The following TMEM131 variants were observed in gnomAD, a reference collection of about 807,000 sequenced individuals.
The protein encoded by TMEM131 is 2610524E03Rik.
TMEM131 carries 66 observed loss-of-function variants against 211.6 expected under a neutral mutation model. The observed-to-expected ratio is 0.31, with a 90% CI of 0.26 to 0.38. The LOEUF (loss-of-function observed/expected upper bound fraction) is 0.38. TMEM131 is among the 10% of genes least tolerant of loss of function. The pLI, the probability that TMEM131 is intolerant of heterozygous loss-of-function variation, is 1.00. For missense variants in TMEM131, 2,036 were observed against 2,299.3 expected, an observed-to-expected ratio of 0.89 and a Z score of 2.34; for synonymous variants, 844 against 841.3, an observed-to-expected ratio of 1.00 and a Z score of -0.06.
rs1261588816 is a variant in TMEM131, at chr2:97,756,477, T to A, written c.*622A>T. On this transcript the variant is annotated 3_prime_UTR_variant, in exon 41 of 41. Transcript: ENST00000186436. Reference sequence around the variant, plus strand: ...TAAGTTCAGGTATACAAATGTTACATACCTCAAGTACAAACAGCACAGAAA... The same window carrying A: ...TAAGTTCAGGTATACAAATGTTACAAACCTCAAGTACAAACAGCACAGAAA... 1.3e-5 allele frequency: 2 copies of A among 152,270 alleles called. No individual in the cohort carries two copies. Among genetic ancestry groups the A allele is most frequent in the Non-Finnish European group, 2.9e-5 (2 of 68,046 alleles). 9.4% of individuals were successfully genotyped at this position (152,270 alleles called of 1,614,324 possible). A position where few individuals can be genotyped will look rare whatever the true frequency, so the allele number is the denominator to read the frequency against.
At chr2:97,839,160 A>G (rs1683075021) in intron 7 of TMEM131, among the ~76,000 whole-genome samples, 1 of 152,152 alleles carries the variant, frequency 6.6e-6, no homozygotes, top group Non-Finnish European at 1.5e-5. Flanking sequence ...GTCTGTCTCT[A>G]CAAAAAAATA....
chr2:97,757,051 T>A lies in TMEM131; in HGVS notation c.*48A>T. On this transcript the variant is annotated 3_prime_UTR_variant, in exon 41 of 41. Coordinates refer to ENST00000186436, the MANE Select transcript of TMEM131 (RefSeq NM_015348.2). ...AAAAGATGTCTCAGAAACTGGCACATCATGATCTAGACGAGGGCCCACTAT... is the reference window on the plus strand; with the variant it reads ...AAAAGATGTCTCAGAAACTGGCACAACATGATCTAGACGAGGGCCCACTAT... The A allele has an allele frequency of 2.0e-6, 3 of 1,518,062 alleles. No individual in the cohort carries two copies. Among genetic ancestry groups the A allele is most frequent in the Non-Finnish European group, 2.7e-6 (3 of 1,131,080 alleles). 94.0% of individuals were successfully genotyped at this position (1,518,062 alleles called of 1,614,324 possible).
At chr2:97,781,844 CA>C (rs1680019664) in intron 31 of TMEM131, among the ~76,000 whole-genome samples, 1 of 152,182 alleles carries the variant, frequency 6.6e-6, no homozygotes, top group African/African-American at 2.4e-5. Flanking sequence ...AAAGCCTCGA[CA>C]AAAGCCAGCT....
chr2:97,763,855 G>A (rs751231925), intron 35 of TMEM131: 2 of 152,444 alleles, frequency 1.3e-5, no homozygotes, highest in Non-Finnish European at 2.9e-5. Flanking sequence ...AATGAAACAG[G>A]AAAAGCAAAG....
rs188988356 is a variant in TMEM131 at position 97,874,116 on chromosome 2, G to A, written c.359+13936C>T. ...AGCCGAATTGGTCAAGTGGAAGAAAGGATATCAGTGATTGAAGATCAACTT... is the reference window on the plus strand; with the variant it reads ...AGCCGAATTGGTCAAGTGGAAGAAAAGATATCAGTGATTGAAGATCAACTT... On this transcript the variant is annotated intron_variant, in intron 4 of 40. Coordinates refer to ENST00000186436, the MANE Select transcript of TMEM131 (RefSeq NM_015348.2). 8.5e-5 allele frequency among the ~76,000 whole-genome samples: 13 copies of A among 152,248 alleles called. No individual in the cohort carries two copies. In the East Asian group the frequency reaches 1.4e-3, roughly 16 times the overall value.
intron 4 of TMEM131, among the ~76,000 whole-genome samples, chr2:97,868,084 A>G (rs1425261214): frequency 1.3e-5 from 2 of 152,266 alleles, no homozygotes; most frequent in Admixed American, 6.5e-5. Context: ...AAGTATTCGG[A>G]AGCTCCATTG....
chr2:97,779,197 C>T (rs1679876634), intron 31 of TMEM131, among the ~76,000 whole-genome samples: 1 of 152,206 alleles, frequency 6.6e-6, no homozygotes, highest in African/African-American at 2.4e-5. Context: ...TCCAACCACC[C>T]AGGCTAGGAG....
At chr2:97,941,716 A>G (rs982138572) in intron 1 of TMEM131, among the ~76,000 whole-genome samples, 12 of 152,242 alleles carry the variant, frequency 7.9e-5, no homozygotes, top group Non-Finnish European at 1.5e-4. Context: ...CAACAGATAC[A>G]TGAAAAAATA....
At chr2:97,855,062 A>G (rs1673780800) in intron 5 of TMEM131, among the ~76,000 whole-genome samples, 2 of 152,236 alleles carry the variant, frequency 1.3e-5, no homozygotes, top group South Asian at 4.1e-4. Flanking sequence ...CAGAGTATGT[A>G]TGATAAGCAT....
Position 97,766,556 on chromosome 2 carries a change from T to A in TMEM131, c.4495A>T (p.Arg1499Ter). Reference sequence around the variant, plus strand: ...AGAGGAATCTTGCTTGGGAGATTTCTACGTTGCTTACTTTCCAAAGGGGGA... The same window carrying A: ...AGAGGAATCTTGCTTGGGAGATTTCAACGTTGCTTACTTTCCAAAGGGGGA... ...YTPPLESKQR[R>*]NLPSKIPLPT... Residue 1499 changes from arginine to a stop codon, truncating the protein, a stop_gained, in exon 34 of 41, where the codon AGA becomes TGA. Transcript: ENST00000186436. LOFTEE classifies it high-confidence loss of function. The A allele has an allele frequency of 6.2e-7, 1 of 1,614,032 alleles. No individual in the cohort carries two copies. The highest frequency in any genetic ancestry group is 8.5e-7 in the Non-Finnish European group (1 of 1,179,868).
In TMEM131 at chr2:97,805,559, T is replaced by C. The variant is rs1681257073; in HGVS notation, c.2200A>G (p.Lys734Glu). Residue 734 changes from lysine to glutamate, a missense_variant, in exon 20 of 41, where the codon AAA (lysine) becomes GAA (glutamate). Lys to Glu is a moderately conservative substitution (Grantham distance 56). This residue lies in a region of TMEM131 where 1,623 missense variants were observed against 1,805.9 expected (regional missense o/e 0.90). Transcript: ENST00000186436. ...GNKEDLEPGKKSKIANIYFDP... is the reference protein window; with the variant it reads ...GNKEDLEPGKESKIANIYFDP... ...ATATAATATCTTCAAACCTTTGATT[T>C]TTTTCCTGGCTCCAAGTCTTCCTTA... The C allele has an allele frequency of 6.2e-7, 1 of 1,607,340 alleles. No homozygotes were observed. The highest frequency in any genetic ancestry group is 1.3e-5 in the African/African-American group (1 of 74,624).
chr2:97,946,043 C>G (rs956401794), intron 1 of TMEM131, among the ~76,000 whole-genome samples: 2 of 152,034 alleles, frequency 1.3e-5, no homozygotes, highest in Non-Finnish European at 2.9e-5. Context: ...TTACAACCAT[C>G]TTAAAACACT....
intron 1 of TMEM131, among the ~76,000 whole-genome samples, chr2:97,994,155 T>A (rs1321387523): frequency 2.0e-5 from 3 of 152,208 alleles, no homozygotes; most frequent in African/African-American, 7.2e-5. Context: ...GCCAAAATGC[T>A]AGGTGCCACG....
rs778521058 is a variant in TMEM131, at chr2:97,775,871, T to A, written c.4292A>T (p.Asn1431Ile). 6.2e-7 allele frequency: 1 copy of A among 1,613,802 alleles called. No homozygotes were observed. Among genetic ancestry groups the A allele is most frequent in the African/African-American group, 1.3e-5 (1 of 74,914 alleles). ...DSSSTTTETS[N>I]PDTEPLLKED... ...CTTGAGGAGCGGTTCTGTGTCAGGG[T>A]TGGAGGTCTCTGTGGTGGTGGAGGA... The change falls in exon 32 of 41, where the codon AAC becomes ATC. Residue 1431 changes from asparagine to isoleucine, a missense_variant. Coordinates refer to ENST00000186436, the MANE Select transcript of TMEM131 (RefSeq NM_015348.2).
At chr2:97,769,424 G>A (rs1036207246) in intron 33 of TMEM131, among the ~76,000 whole-genome samples, 4 of 151,864 alleles carry the variant, frequency 2.6e-5, no homozygotes, top group Non-Finnish European at 1.5e-5. Context: ...TTTTATTCCT[G>A]TAATACACAG....
At chr2:97,887,790 T>C (rs1317077683) in intron 4 of TMEM131, 1 of 354,482 alleles carries the variant, frequency 2.8e-6, no homozygotes, top group Non-Finnish European at 5.0e-6. Context: ...TATAAGTTCT[T>C]TGCTGTTTCC....
intron 4 of TMEM131, among the ~76,000 whole-genome samples, chr2:97,871,667 C>T (rs748560956): frequency 2.6e-5 from 4 of 152,218 alleles, no homozygotes; most frequent in Admixed American, 2.0e-4. Flanking sequence ...ATGATTCCAT[C>T]CTCAACCAAT....
chr2:97,766,288 T>G, intron 34 of TMEM131, 25 bp from the exon 35 acceptor site: 1 of 1,613,420 alleles, frequency 6.2e-7, no homozygotes, highest in South Asian at 1.1e-5. Flanking sequence ...GAAAAGAACA[T>G]GGTTAATGGA....
At chr2:97,818,751 C>T (rs752503213) in intron 11 of TMEM131, 30 bp from the exon 12 acceptor site, 4 of 1,416,810 alleles carry the variant, frequency 2.8e-6, no homozygotes, top group Admixed American at 1.9e-5. Flanking sequence ...ACATACATGG[C>T]ATTATTTCAG....
Sources: gnomAD v4.1 joint callset for allele counts (sites outside exome capture counted in the v4.1 genomes callset) on GRCh38, gnomAD v4.1.1 for gene constraint, gnomAD v4.1.1 regional missense constraint, MANE v1.5 for transcripts, NCBI Gene and HGNC (gene_info 2026-07-23, HGNC 2026-07-21) for gene names.